SPTBN1: variants seen among roughly 807,000 people sequenced by gnomAD.
SPTBN1 encodes the protein spectrin beta, non-erythrocytic 1.
A neutral mutation model predicts 266.4 loss-of-function variants in SPTBN1; 32 were observed. The ratio of observed to expected loss-of-function variants is 0.12; its 90% CI spans 0.09 to 0.16. The LOEUF (loss-of-function observed/expected upper bound fraction) is 0.16. Ranked by LOEUF, SPTBN1 falls within the 10% of genes least tolerant of loss-of-function variation. The pLI, the probability that SPTBN1 is intolerant of heterozygous loss-of-function variation, is 1.00. For missense variants in SPTBN1, 2,296 were observed against 3,067.1 expected (o/e 0.75, Z 5.94); for synonymous variants, 1,336 against 1,162.2 (o/e 1.15, Z -3.04).
chr2:54,603,853 G>C (rs1676661247), intron 3 of SPTBN1, among the ~76,000 whole-genome samples: 1 of 152,182 alleles, frequency 6.6e-6, no homozygotes, highest in Non-Finnish European at 1.5e-5. Context: ...ATAAGCAAGT[G>C]CCTGTCACAC....
chr2:54,565,081 C>G (rs1412491320), intron 2 of SPTBN1, among the ~76,000 whole-genome samples: 3 of 151,852 alleles, frequency 2.0e-5, no homozygotes, highest in Admixed American at 2.0e-4. Context: ...TCTCAGATCT[C>G]CACTTCTCAC....
intron 31 of SPTBN1, 44 bp from the exon 32 acceptor site, chr2:54,659,892 C>T (rs1412262354): frequency 6.3e-6 from 10 of 1,593,618 alleles, no homozygotes; most frequent in Middle Eastern, 3.3e-4. Context: ...CCTCTTTCTC[C>T]TCTTCTTCCT....
intron 3 of SPTBN1, among the ~76,000 whole-genome samples, chr2:54,604,713 A>G (rs1424368928): frequency 6.6e-6 from 1 of 152,144 alleles, no homozygotes; most frequent in East Asian, 1.9e-4. Context: ...TGGGCCTGGG[A>G]TGGAGATATG....
At chr2:54,568,884 G>C (rs369197138) in intron 2 of SPTBN1, among the ~76,000 whole-genome samples, 4 of 152,124 alleles carry the variant, frequency 2.6e-5, no homozygotes, top group East Asian at 3.8e-4. Context: ...CTCTTCTTCA[G>C]CCACACTTCA....
rs138076398 is a variant in SPTBN1, at chr2:54,576,834, A to G, written c.149-22258A>G. On this transcript the variant is annotated intron_variant, in intron 2 of 35. Coordinates refer to ENST00000356805, the MANE Select transcript of SPTBN1 (RefSeq NM_003128.3). ...GGTCTCAAATTACATTCTGAAAGGG[A>G]ATACTAGGTAAGTGATCCCAAACAT... Among the ~76,000 whole-genome samples the G allele has an allele frequency of 6.2e-3, 942 of 152,336 alleles. 5 individuals are homozygous for G. Among genetic ancestry groups the G allele is most frequent in the Non-Finnish European group, 0.01 (692 of 68,046 alleles).
At chr2:54,660,485 G>A in intron 32 of SPTBN1, 1 of 989,090 alleles carries the variant, frequency 1.0e-6, no homozygotes, top group Non-Finnish European at 1.2e-6. Flanking sequence ...TTAACCTATA[G>A]TAGTTTACTA....
At chr2:54,485,152 C>CTCTCCCTCTCCCTCCG (rs1668288621) in intron 1 of SPTBN1, among the ~76,000 whole-genome samples, 3 of 149,190 alleles carry the variant, frequency 2.0e-5, no homozygotes, top group South Asian at 2.2e-4. Context: ...TCGCCTCTCC[C>CTCTCCCTCTCCCTCCG]TCTCCCTCTC....
At position 54,655,311 on chromosome 2, in the gene SPTBN1, T is replaced by A. The variant is rs535132318; in HGVS notation, c.5961+103T>A. The A allele has an allele frequency of 1.1e-5, 16 of 1,407,714 alleles. No homozygotes were observed. The Admixed American group carries it at 1.7e-4, about 15-fold the overall frequency. 87.2% of individuals were successfully genotyped at this position (1,407,714 alleles called of 1,614,324 possible). A position where few individuals can be genotyped will look rare whatever the true frequency, so the allele number is the denominator to read the frequency against. On this transcript the variant is annotated intron_variant, in intron 28 of 35. Coordinates refer to ENST00000356805, the MANE Select transcript of SPTBN1 (RefSeq NM_003128.3). ...CAGAGATACTGTGTTTACATTCTTA[T>A]ACACACACACATATGTTTTAAAACT... is the stretch of plus-strand genomic sequence containing the variant.
At chr2:54,655,252 G>T (rs377199861) in intron 28 of SPTBN1, 44 bp downstream of exon 28, 10 of 1,603,132 alleles carry the variant, frequency 6.2e-6, no homozygotes, top group Non-Finnish European at 8.5e-6. Flanking sequence ...GCGTCAAGAT[G>T]TAAAATGACT....
chr2:54,499,355 CAGTTTGTGTA>C (rs1349086358), intron 1 of SPTBN1, among the ~76,000 whole-genome samples: 2 of 152,148 alleles, frequency 1.3e-5, no homozygotes, highest in Non-Finnish European at 2.9e-5. Flanking sequence ...CCACCCGATG[CAGTTTGTGTA>C]AGCCTTAAAA....
At chr2:54,631,653 G>GC in intron 16 of SPTBN1, 42 bp downstream of exon 16, 2 of 1,571,810 alleles carry the variant, frequency 1.3e-6, no homozygotes, top group Middle Eastern at 1.7e-4. Flanking sequence ...GGTGAAAGCA[G>GC]CCCTGGCTGC....
chr2:54,496,370 G>A (rs1354170472), intron 1 of SPTBN1, among the ~76,000 whole-genome samples: 2 of 150,008 alleles, frequency 1.3e-5, no homozygotes, highest in South Asian at 2.1e-4. Context: ...CCCAGGAGGC[G>A]GAGGTTGCAG....
At chr2:54,532,180 T>A (rs1671293136) in intron 2 of SPTBN1, among the ~76,000 whole-genome samples, 1 of 151,848 alleles carries the variant, frequency 6.6e-6, no homozygotes, top group Non-Finnish European at 1.5e-5. Flanking sequence ...TCCCAGCTAG[T>A]TGGGAGGCTG....
In SPTBN1 at chr2:54,628,074, T is replaced by C; in HGVS notation, c.1645-23T>C. ...GTCAAGGCTATAGTCACAGATGTCC[T>C]TTTGGTTGCTTCTTGTGCACAGGTG... On this transcript the variant is annotated intron_variant, in intron 12 of 35. Coordinates refer to ENST00000356805, the MANE Select transcript of SPTBN1 (RefSeq NM_003128.3). This position sits in a 1 kb window ranked among gnomAD's most constrained non-coding sequence, Gnocchi z 4.3. 2 of 1,594,114 alleles carry C rather than the reference T, an allele frequency of 1.3e-6. No homozygotes were observed. The highest frequency in any genetic ancestry group is 2.3e-5 in the South Asian group (2 of 87,850).
chr2:54,491,223 C>T (rs897012136), intron 1 of SPTBN1, among the ~76,000 whole-genome samples: 6 of 152,188 alleles, frequency 3.9e-5, no homozygotes, highest in African/African-American at 1.4e-4. Context: ...GAAGATTCCC[C>T]TGGCATCATA....
chr2:54,526,859 C>T, intron 2 of SPTBN1: 1 of 256,752 alleles, frequency 3.9e-6, no homozygotes, highest in Non-Finnish European at 7.4e-6. Context: ...TCTTACATTC[C>T]AAAATATCAA....
chr2:54,645,516 A>C lies in SPTBN1; in HGVS notation c.4494+63A>C. The stretch of plus-strand genomic sequence containing the variant: ...AGCCCCCTTGCCTGTGCTAAAGCCC[A>C]CATTCTCACTTCTCAGTCATCCTCA... On this transcript the variant is annotated intron_variant, in intron 21 of 35. Coordinates refer to ENST00000356805, the MANE Select transcript of SPTBN1 (RefSeq NM_003128.3). The surrounding 1 kb of genome is among the most constrained non-coding windows in gnomAD (Gnocchi z 4.3). 6.5e-7 allele frequency: 1 copy of C among 1,540,210 alleles called. No homozygotes were observed.
At chr2:54,663,433 T>C (rs1188268713) in intron 32 of SPTBN1, 1 of 152,146 alleles carries the variant, frequency 6.6e-6, no homozygotes, top group East Asian at 1.9e-4. Flanking sequence ...GCTGCTACAG[T>C]TAATGGTACA....
intron 1 of SPTBN1, among the ~76,000 whole-genome samples, chr2:54,503,751 C>T (rs763480016): frequency 6.6e-6 from 1 of 152,186 alleles, no homozygotes; most frequent in Non-Finnish European, 1.5e-5. Context: ...CTGCTGAATA[C>T]ATAACTATTC....
Sources: gnomAD v4.1 joint callset for allele counts (sites outside exome capture counted in the v4.1 genomes callset) on GRCh38, gnomAD v4.1.1 for gene constraint, Gnocchi (gnomAD v3.1) non-coding constraint, MANE v1.5 for transcripts, NCBI Gene and HGNC (gene_info 2026-07-23, HGNC 2026-07-21) for gene names.